VAT1L: variants seen among roughly 807,000 people sequenced by gnomAD.
VAT1L encodes the protein putative NADPH-dependent quinone oxidoreductase VAT1L.
A neutral mutation model predicts 44.1 loss-of-function variants in VAT1L; 34 were observed. The observed-to-expected ratio is 0.77, with a 90% CI of 0.59 to 1.03. The LOEUF (loss-of-function observed/expected upper bound fraction) is 1.03, where lower values mean the gene tolerates loss of function less well. Among genes scored for constraint, VAT1L ranks in the 50% least tolerant of loss-of-function variants. VAT1L has a pLI of 0.00. For missense variants in VAT1L, 615 were observed against 538.8 expected (o/e 1.14, Z -1.40); for synonymous variants, 253 against 202.2 (o/e 1.25, Z -2.13).
chr16:77,800,855 G>C (rs1341160004), intron 1 of VAT1L: 1 of 152,114 alleles, frequency 6.6e-6, no homozygotes, highest in South Asian at 2.1e-4. Flanking sequence ...TTGAGACAGA[G>C]TCTCACTCTG....
chr16:77,867,372 A>T (rs552880757), intron 4 of VAT1L, among the ~76,000 whole-genome samples: 16 of 152,278 alleles, frequency 1.1e-4, no homozygotes, highest in South Asian at 4.2e-4. Flanking sequence ...TAAAGCTATT[A>T]AAAAAACCTG....
chr16:77,863,417 G>C (rs1392493628), intron 4 of VAT1L, among the ~76,000 whole-genome samples: 1 of 152,196 alleles, frequency 6.6e-6, no homozygotes, highest in African/African-American at 2.4e-5. Context: ...CGTTGGCTAC[G>C]CCTTACTGAA....
chr16:77,823,447 G>T (rs1243336983), intron 2 of VAT1L, among the ~76,000 whole-genome samples: 1 of 152,052 alleles, frequency 6.6e-6, no homozygotes, highest in Non-Finnish European at 1.5e-5. Context: ...TTTATCTCCA[G>T]TGCCTAGAAC....
rs561303502 is a variant in VAT1L at position 77,948,483 on chromosome 16, A to G, written c.1078-23367A>G. ...GCATTTGAGTGCTGGAACTGTCGTT[A>G]TAGTTGTCATTTGGGGAAGAAAGCT... On this transcript the variant is annotated intron_variant, in intron 7 of 8. Coordinates refer to ENST00000302536, the MANE Select transcript of VAT1L (RefSeq NM_020927.3). Among the ~76,000 whole-genome samples the G allele has an allele frequency of 7.9e-5, 12 of 152,320 alleles. No individual in the cohort carries two copies. In the East Asian group the frequency reaches 2.1e-3, roughly 27 times the overall value.
At chr16:77,922,563 G>C (rs905030690) in intron 7 of VAT1L, among the ~76,000 whole-genome samples, 3 of 152,274 alleles carry the variant, frequency 2.0e-5, no homozygotes, top group African/African-American at 4.8e-5. Flanking sequence ...TGAAGAGAGA[G>C]GTGCTGTGAC....
intron 2 of VAT1L, among the ~76,000 whole-genome samples, chr16:77,820,162 C>A (rs2016426634): frequency 6.6e-6 from 1 of 152,104 alleles, no homozygotes; most frequent in African/African-American, 2.4e-5. Flanking sequence ...TATCTGAGGC[C>A]ATTTCTTTCA....
chr16:77,796,836 G>T (rs2015942876), intron 1 of VAT1L, among the ~76,000 whole-genome samples: 1 of 152,184 alleles, frequency 6.6e-6, no homozygotes, highest in South Asian at 2.1e-4. Context: ...CAGCAACATA[G>T]ATGGAGATGA....
chr16:77,961,930 CATT>C (rs1313101097), intron 7 of VAT1L, among the ~76,000 whole-genome samples: 1 of 152,162 alleles, frequency 6.6e-6, no homozygotes, highest in African/African-American at 2.4e-5. Context: ...TCATTTTTGT[CATT>C]ATCATCATTG....
intron 4 of VAT1L, among the ~76,000 whole-genome samples, chr16:77,873,308 G>A (rs1405080366): frequency 6.6e-6 from 1 of 152,164 alleles, no homozygotes; most frequent in Admixed American, 6.5e-5. Context: ...TTTTAAAAGT[G>A]GAGTTAAAAT....
intron 7 of VAT1L, among the ~76,000 whole-genome samples, chr16:77,935,221 G>C (rs1173113474): frequency 6.6e-6 from 1 of 152,088 alleles, no homozygotes; most frequent in Admixed American, 6.6e-5. Flanking sequence ...TTAGGTTGTA[G>C]GAGATGTCTC....
Position 77,788,689 on chromosome 16 carries a change from A to C in VAT1L, c.7A>C (p.Lys3Gln). Residue 3 changes from lysine (K) to glutamine (Q), a missense_variant, in exon 1 of 9, where the codon AAG becomes CAG. Physicochemically the swap from Lys to Gln is moderately conservative, Grantham distance 53 (BLOSUM62 1). Transcript: ENST00000302536. Reference protein sequence around the residue: MAKEGVEKAEETE... With the variant: MAQEGVEKAEETE... ...CCCCGCGCCCTCGAGCGCCATGGCC[A>C]AGGAAGGCGTGGAGAAGGCGGAGGA... 6.5e-7 allele frequency: 1 copy of C among 1,550,204 alleles called. No individual in the cohort carries two copies. The highest frequency in any genetic ancestry group is 8.7e-7 in the Non-Finnish European group (1 of 1,146,788).
chr16:77,938,777 T>C (rs988841648), intron 7 of VAT1L, among the ~76,000 whole-genome samples: 1 of 152,232 alleles, frequency 6.6e-6, no homozygotes, highest in Non-Finnish European at 1.5e-5. Context: ...GGTATTTCTT[T>C]ACAGCACTGT....
At chr16:77,976,955 T>C (rs568100598) in intron 8 of VAT1L, among the ~76,000 whole-genome samples, 58 of 152,240 alleles carry the variant, frequency 3.8e-4, no homozygotes, top group South Asian at 2.5e-3. Flanking sequence ...TGTCTGCTCT[T>C]CTTAAGTGAC....
In VAT1L at chr16:77,962,778, A is replaced by AGG. The variant is rs58206326; in HGVS notation, c.1078-9072_1078-9071insGG. Among the ~76,000 whole-genome samples the AGG allele has an allele frequency of 3.6e-3, 542 of 151,510 alleles. 1 individual carries two copies. The highest frequency in any genetic ancestry group is 4.3e-3 in the Non-Finnish European group (293 of 67,808). On this transcript the variant is annotated intron_variant, in intron 7 of 8. Coordinates refer to ENST00000302536, the MANE Select transcript of VAT1L (RefSeq NM_020927.3). Reference sequence around the variant, plus strand: ...AAGGAAGGAAGGAAGGAAGGAAGGAAAGAAAGAGAAAAGAAAAAATAGCTA... The same window carrying AGG: ...AAGGAAGGAAGGAAGGAAGGAAGGAAGGAGAAAGAGAAAAGAAAAAATAGCTA...
intron 7 of VAT1L, among the ~76,000 whole-genome samples, chr16:77,888,213 A>G (rs1190015234): frequency 2.0e-5 from 3 of 152,084 alleles, no homozygotes; most frequent in Admixed American, 2.0e-4. Flanking sequence ...ACTCCATTTG[A>G]TACTCTCCAT....
intron 1 of VAT1L, among the ~76,000 whole-genome samples, chr16:77,805,559 TGC>T (rs2016140487): frequency 6.9e-6 from 1 of 145,642 alleles, no homozygotes; most frequent in Admixed American, 7.1e-5. Flanking sequence ...CTTCCCTTAC[TGC>T]GTCTGCTTGG....
At chr16:77,881,328 A>T (rs191896766) in intron 6 of VAT1L, among the ~76,000 whole-genome samples, 1 of 152,314 alleles carries the variant, frequency 6.6e-6, no homozygotes, top group African/African-American at 2.4e-5. Context: ...TACAGCACAT[A>T]AGATAGGTGC....
At position 77,900,748 on chromosome 16, in the gene VAT1L, G is replaced by T. The variant is rs566106252; in HGVS notation, c.1077+15946G>T. Reference sequence around the variant, plus strand: ...AGGCAAAAATATTGCCCATAATTGTGCCACCCTAAACAAAACCATTGTTAT... The same window carrying T: ...AGGCAAAAATATTGCCCATAATTGTTCCACCCTAAACAAAACCATTGTTAT... On this transcript the variant is annotated intron_variant, in intron 7 of 8. Coordinates refer to ENST00000302536, the MANE Select transcript of VAT1L (RefSeq NM_020927.3). 7.3e-5 allele frequency among the ~76,000 whole-genome samples: 11 copies of T among 150,618 alleles called. No homozygotes were observed. The East Asian group carries it at 2.1e-3, about 29-fold the overall frequency.
At chr16:77,890,334 G>A (rs2017251288) in intron 7 of VAT1L, among the ~76,000 whole-genome samples, 1 of 152,098 alleles carries the variant, frequency 6.6e-6, no homozygotes, top group South Asian at 2.1e-4. Context: ...GAGGAAGTAA[G>A]ATTTGTTTGG....
Sources: allele counts gnomAD v4.1 joint callset (sites outside exome capture counted in the v4.1 genomes callset), GRCh38; gene constraint gnomAD v4.1.1; transcripts MANE v1.5; gene names NCBI Gene and HGNC (gene_info 2026-07-23, HGNC 2026-07-21).